The following SLC30A10 variants were observed in gnomAD, a reference collection of about 807,000 sequenced individuals.
SLC30A10 encodes the protein calcium/manganese antiporter SLC30A10.
A neutral mutation model predicts 21.7 loss-of-function variants in SLC30A10; 8 were observed. The ratio of observed to expected loss-of-function variants is 0.37; its 90% confidence interval spans 0.22 to 0.67. The LOEUF (loss-of-function observed/expected upper bound fraction) is 0.67, where lower values mean the gene tolerates loss of function less well. Among genes scored for constraint, SLC30A10 ranks in the 30% least tolerant of loss-of-function variants. The pLI, the probability that SLC30A10 is intolerant of heterozygous loss-of-function variation, is 0.58. For missense variants in SLC30A10, 521 were observed against 642.5 expected (o/e 0.81, Z 2.04); for synonymous variants, 272 against 279.4 (o/e 0.97, Z 0.26).
In SLC30A10 at chr1:219,915,326, T is replaced by A; in HGVS notation, c.*123A>T. Reference sequence around the variant, plus strand: ...AAAATCCCAAACAGCCAACCCCTAGTGAACACAGAGCATGCATGCTGCAAG... The same window carrying A: ...AAAATCCCAAACAGCCAACCCCTAGAGAACACAGAGCATGCATGCTGCAAG... On this transcript the variant is annotated 3_prime_UTR_variant, in exon 4 of 4. Coordinates refer to ENST00000366926, the MANE Select transcript of SLC30A10 (RefSeq NM_018713.3). 1 of 1,254,262 alleles carries A rather than the reference T, an allele frequency of 8.0e-7. No homozygotes were observed. Among genetic ancestry groups the A allele is most frequent in the Non-Finnish European group, 1.1e-6 (1 of 895,808 alleles). 77.7% of individuals were successfully genotyped at this position (1,254,262 alleles called of 1,614,324 possible). A position where few individuals can be genotyped will look rare whatever the true frequency, so the allele number is the denominator to read the frequency against.
intron 1 of SLC30A10, among the ~76,000 whole-genome samples, chr1:219,946,517 A>G (rs762940993): frequency 2.6e-5 from 4 of 152,160 alleles, no homozygotes; most frequent in Non-Finnish European, 5.9e-5. Flanking sequence ...TTGTGTTTCC[A>G]TGAGACGACC....
intron 1 of SLC30A10, among the ~76,000 whole-genome samples, chr1:219,940,839 C>T (rs1660110478): frequency 6.6e-6 from 1 of 152,122 alleles, no homozygotes; most frequent in East Asian, 1.9e-4. Context: ...TTGGAAAATG[C>T]CTTTCAAGTG....
At chr1:219,928,689 T>G, upstream of SLC30A10, 1 of 420,986 alleles carries the variant, frequency 2.4e-6, no homozygotes, top group Non-Finnish European at 4.1e-6. The surrounding 1 kb of genome is among the most constrained non-coding windows in gnomAD (Gnocchi z 6.3). Context: ...GCGGCCCTTT[T>G]CCCCTCCCTC....
intron 1 of SLC30A10, 24 bp downstream of exon 1, chr1:219,927,777 C>T: frequency 6.6e-7 from 1 of 1,520,962 alleles, no homozygotes; most frequent in Admixed American, 2.1e-5. Flanking sequence ...GCCAAGCGGT[C>T]CAAAGGATGC....
At position 219,918,759 on chromosome 1, in the gene SLC30A10, T is replaced by C. The variant is rs1357266030; in HGVS notation, c.719-265A>G. On this transcript the variant is annotated intron_variant, in intron 2 of 3. Transcript: ENST00000366926. The surrounding 1 kb of genome is among the most constrained non-coding windows in gnomAD (Gnocchi z 4.4). ...ACCTGCAGGAAGAGCGACTGTGCCG[T>C]CTCACTGGGCCACATCGCTACCACT... is the stretch of plus-strand genomic sequence containing the variant. 5 of 365,864 alleles carry C rather than the reference T, an allele frequency of 1.4e-5. No individual in the cohort carries two copies. In the East Asian group the frequency reaches 1.8e-4, roughly 13 times the overall value. The allele number at this position is 365,864 out of a possible 1,614,324, so 22.7% of individuals were successfully genotyped here.
intron 1 of SLC30A10, among the ~76,000 whole-genome samples, chr1:219,952,461 T>C (rs1660283468): frequency 6.6e-6 from 1 of 152,198 alleles, no homozygotes; most frequent in South Asian, 2.1e-4. Context: ...CCACAGTCCA[T>C]AACTGTTTTC....
At chr1:219,932,975 C>T (rs150054441), upstream of SLC30A10, among the ~76,000 whole-genome samples, 536 of 151,212 alleles carry the variant, frequency 3.5e-3, 6 homozygotes, top group African/African-American at 0.012. Context: ...GCAGGAGAAT[C>T]GCTTGCACCT....
chr1:219,927,693 AG>A, intron 1 of SLC30A10, 107 bp downstream of exon 1: 1 of 929,242 alleles, frequency 1.1e-6, no homozygotes, highest in Non-Finnish European at 1.4e-6. Flanking sequence ...AAAAAAAAAC[AG>A]AAAAAAAGCA....
chr1:219,944,539 G>A (rs912502117), intron 1 of SLC30A10, among the ~76,000 whole-genome samples: 1 of 152,264 alleles, frequency 6.6e-6, no homozygotes, highest in East Asian at 1.9e-4. Context: ...TATTTTATCT[G>A]AACAACAGAG....
chr1:219,935,153 C>T (rs918567477), intron 1 of SLC30A10, among the ~76,000 whole-genome samples: 1 of 152,128 alleles, frequency 6.6e-6, no homozygotes, highest in African/African-American at 2.4e-5. Context: ...AAAAGAACTA[C>T]AAGTTGCAAG....
chr1:219,919,452 C>T (rs1038927511), intron 2 of SLC30A10, among the ~76,000 whole-genome samples: 4 of 152,174 alleles, frequency 2.6e-5, no homozygotes, highest in Non-Finnish European at 2.9e-5. Flanking sequence ...CACCTCAGAT[C>T]TGTAGAATCT....
intron 1 of SLC30A10, among the ~76,000 whole-genome samples, chr1:219,956,095 A>T (rs1660345551): frequency 6.6e-6 from 1 of 152,226 alleles, no homozygotes; most frequent in African/African-American, 2.4e-5. Context: ...ATAACTGCAG[A>T]CATAAATGCT....
chr1:219,928,862 T>G (rs1221270839), upstream of SLC30A10, among the ~76,000 whole-genome samples: 1 of 152,214 alleles, frequency 6.6e-6, no homozygotes, highest in Admixed American at 6.5e-5. The surrounding 1 kb of genome is among the most constrained non-coding windows in gnomAD (Gnocchi z 6.3). Flanking sequence ...GACACCCCGC[T>G]TCTCCTGGCC....
intron 1 of SLC30A10, chr1:219,958,554 G>A (rs1341183457): frequency 6.5e-6 from 1 of 152,866 alleles, no homozygotes; most frequent in Admixed American, 6.5e-5. Flanking sequence ...GCCACCCTCT[G>A]AGTAGCTATT....
At chr1:219,932,716 T>TC (rs1558256620), upstream of SLC30A10, among the ~76,000 whole-genome samples, 2 of 130,488 alleles carry the variant, frequency 1.5e-5, no homozygotes, top group African/African-American at 7.5e-5. Context: ...TTTTTTTTTT[T>TC]TTTTTTTTTT....
chr1:219,927,759 A>T, intron 1 of SLC30A10, 42 bp downstream of exon 1: 1 of 1,468,492 alleles, frequency 6.8e-7, no homozygotes, highest in Non-Finnish European at 9.0e-7. Context: ...TGGGAGGAGG[A>T]AGGAAGGGCC....
At chr1:219,952,992 C>T (rs745396965) in intron 1 of SLC30A10, among the ~76,000 whole-genome samples, 123 of 152,236 alleles carry the variant, frequency 8.1e-4, no homozygotes, top group Admixed American at 3.7e-3. Flanking sequence ...AGGAACGTAG[C>T]AAAAGAGCTG....
In SLC30A10 at chr1:219,922,158, T is replaced by TTGTGTGTG. The variant is rs139669169; in HGVS notation, c.719-3672_719-3665dup. Among the ~76,000 whole-genome samples, 361 of 42,794 alleles carry TTGTGTGTG rather than the reference T, an allele frequency of 8.4e-3. 13 individuals are homozygous for TTGTGTGTG. Among genetic ancestry groups the TTGTGTGTG allele is most frequent in the Non-Finnish European group, 0.013 (302 of 23,176 alleles). The allele number at this position is 42,794 out of a possible 152,430, so 28.1% of individuals were successfully genotyped here. On this transcript the variant is annotated intron_variant, in intron 2 of 3. Coordinates refer to ENST00000366926, the MANE Select transcript of SLC30A10 (RefSeq NM_018713.3). ...TAAAAGAATTTTTTTACCTTCTTGT[T>TTGTGTGTG]TGTGTGTGTGTGTGTGTGTTTTTTT... is the stretch of plus-strand genomic sequence containing the variant.
chr1:219,951,731 AG>A, intron 1 of SLC30A10, among the ~76,000 whole-genome samples: 1 of 151,082 alleles, frequency 6.6e-6, no homozygotes, highest in African/African-American at 2.4e-5. Flanking sequence ...AAAAAAAAAA[AG>A]AAAAGAAAAG....
Sources: gnomAD v4.1 joint callset for allele counts (sites outside exome capture counted in the v4.1 genomes callset) on GRCh38, gnomAD v4.1.1 for gene constraint, Gnocchi (gnomAD v3.1) non-coding constraint, MANE v1.5 for transcripts, NCBI Gene and HGNC (gene_info 2026-07-23, HGNC 2026-07-21) for gene names.